Variants in SLC25A21 observed in about 807,000 individuals in gnomAD.
The protein encoded by SLC25A21 is solute carrier family 25 member 21, also known as mitochondrial 2-oxodicarboxylate carrier.
SLC25A21 carries 47 observed loss-of-function variants against 43.8 expected under a neutral mutation model. That is an observed-to-expected ratio of 1.07 (90% CI 0.85 to 1.37). SLC25A21 has a LOEUF of 1.37. Among genes scored for constraint, SLC25A21 ranks in the 40% most tolerant of loss-of-function variants. The pLI is 0.00. For synonymous variants in SLC25A21, 131 were observed against 121.3 expected (o/e 1.08, Z -0.52); for missense variants, 352 against 350.2 (o/e 1.00, Z -0.04).
chr14:36,969,418 AT>A (rs1325101618), intron 1 of SLC25A21, among the ~76,000 whole-genome samples: 1 of 152,192 alleles, frequency 6.6e-6, no homozygotes, highest in Non-Finnish European at 1.5e-5. Context: ...GCCTGAAATC[AT>A]ACTCTGACTT....
At chr14:36,994,710 C>G (rs1294425766) in intron 1 of SLC25A21, among the ~76,000 whole-genome samples, 2 of 152,094 alleles carry the variant, frequency 1.3e-5, no homozygotes, top group Admixed American at 1.3e-4. Context: ...AAGCAGCACC[C>G]AGATCTAGTG....
chr14:36,845,257 T>C (rs1182863893), intron 2 of SLC25A21, among the ~76,000 whole-genome samples: 1 of 152,176 alleles, frequency 6.6e-6, no homozygotes, highest in African/African-American at 2.4e-5. Context: ...GATTTTTAAA[T>C]ATTAATTTTA....
At position 37,172,401 on chromosome 14, in the gene SLC25A21, C is replaced by T; in HGVS notation, c.-51G>A. On this transcript the variant is annotated 5_prime_UTR_variant, in exon 1 of 10. Transcript: ENST00000331299. ...GTGGGCTGAGATGCGTCAACGAGCT[C>T]GCAGCCTGCACAGCCTACTGATCCA... is the stretch of plus-strand genomic sequence containing the variant. 1 of 1,539,498 alleles carries T rather than the reference C, an allele frequency of 6.5e-7. No individual in the cohort carries two copies. Among genetic ancestry groups the T allele is most frequent in the Non-Finnish European group, 8.8e-7 (1 of 1,132,928 alleles).
At chr14:36,894,322 A>G (rs1891174638) in intron 1 of SLC25A21, among the ~76,000 whole-genome samples, 1 of 152,184 alleles carries the variant, frequency 6.6e-6, no homozygotes, top group Non-Finnish European at 1.5e-5. Context: ...GAGTTCACTC[A>G]TGATTTGGCT....
At chr14:37,085,434 T>A (rs1023072492) in intron 1 of SLC25A21, among the ~76,000 whole-genome samples, 3 of 152,216 alleles carry the variant, frequency 2.0e-5, no homozygotes, top group Admixed American at 6.5e-5. Flanking sequence ...CTATATATAT[T>A]GGTTCAATTT....
chr14:36,994,179 GT>G (rs1407750445), intron 1 of SLC25A21, among the ~76,000 whole-genome samples: 1 of 152,162 alleles, frequency 6.6e-6, no homozygotes, highest in Non-Finnish European at 1.5e-5. Flanking sequence ...TCGGGGAGAT[GT>G]CTTTCCCCAA....
chr14:37,121,396 C>A (rs931722247), intron 1 of SLC25A21, among the ~76,000 whole-genome samples: 3 of 152,126 alleles, frequency 2.0e-5, no homozygotes, highest in Non-Finnish European at 2.9e-5. Flanking sequence ...CATGTCAGTG[C>A]GGATAGGGGA....
intron 1 of SLC25A21, among the ~76,000 whole-genome samples, chr14:36,923,416 T>C: frequency 6.6e-6 from 1 of 152,250 alleles, no homozygotes; most frequent in East Asian, 1.9e-4. Context: ...ACCTGTACAC[T>C]ATAAGAAATA....
At position 36,680,370 on chromosome 14, in the gene SLC25A21, C is replaced by CTAT; in HGVS notation, c.*285_*287dup. Reference sequence around the variant, plus strand: ...AAGAGGAACACAGGAGACAAAGTTTCTATTTATTTTATGAAATAAATATAT... The same window carrying CTAT: ...AAGAGGAACACAGGAGACAAAGTTTCTATTATTTATTTTATGAAATAAATATAT... On this transcript the variant is annotated 3_prime_UTR_variant, in exon 10 of 10. Coordinates refer to ENST00000331299, the MANE Select transcript of SLC25A21 (RefSeq NM_030631.4). The CTAT allele has an allele frequency of 1.9e-6, 2 of 1,042,508 alleles. No individual in the cohort carries two copies. Among genetic ancestry groups the CTAT allele is most frequent in the Non-Finnish European group, 2.3e-6 (2 of 865,470 alleles). The allele number at this position is 1,042,508 out of a possible 1,614,324, so 64.6% of individuals were successfully genotyped here.
Position 36,680,488 on chromosome 14 carries a change from T to C in SLC25A21, c.*170A>G. ...ACAGTTTTATTTATACAGCCAAAAC[T>C]ATAATCTCAAGTTGCCTATAGACAT... On this transcript the variant is annotated 3_prime_UTR_variant, in exon 10 of 10. Coordinates refer to ENST00000331299, the MANE Select transcript of SLC25A21 (RefSeq NM_030631.4). 2.4e-6 allele frequency: 3 copies of C among 1,248,244 alleles called. No individual in the cohort carries two copies. The highest frequency in any genetic ancestry group is 3.0e-6 in the Non-Finnish European group (3 of 994,246). 77.3% of individuals were successfully genotyped at this position (1,248,244 alleles called of 1,614,324 possible).
chr14:36,928,435 A>T (rs542149168), intron 1 of SLC25A21, among the ~76,000 whole-genome samples: 1 of 151,086 alleles, frequency 6.6e-6, no homozygotes, highest in Non-Finnish European at 1.5e-5. Context: ...AAGTAGAGTG[A>T]TTTTTTTTTT....
At position 37,032,483 on chromosome 14, in the gene SLC25A21, C is replaced by T. The variant is rs112565504; in HGVS notation, c.70+139798G>A. 4.0e-3 allele frequency among the ~76,000 whole-genome samples: 605 copies of T among 152,106 alleles called. 4 individuals are homozygous for T. The highest frequency in any genetic ancestry group is 7.5e-3 in the Non-Finnish European group (513 of 67,992). The stretch of plus-strand genomic sequence containing the variant: ...CCCAGGAGGTGGAGCTTGCAATGAG[C>T]GGAGATTGTGCCACTGCACTCCAGC... On this transcript the variant is annotated intron_variant, in intron 1 of 9. Transcript: ENST00000331299.
chr14:37,130,297 T>C (rs2138904753), intron 1 of SLC25A21, among the ~76,000 whole-genome samples: 2 of 152,230 alleles, frequency 1.3e-5, no homozygotes, highest in South Asian at 4.1e-4. Context: ...AATTTTAACT[T>C]TTGAAAGACT....
chr14:37,044,259 T>C (rs1961540551), intron 1 of SLC25A21, among the ~76,000 whole-genome samples: 1 of 152,224 alleles, frequency 6.6e-6, no homozygotes, highest in African/African-American at 2.4e-5. Flanking sequence ...TATTTTTTAA[T>C]GCTCAATGTG....
At chr14:36,935,530 C>T (rs1892400229) in intron 1 of SLC25A21, among the ~76,000 whole-genome samples, 1 of 152,178 alleles carries the variant, frequency 6.6e-6, no homozygotes, top group African/African-American at 2.4e-5. Context: ...AATGTCTATA[C>T]TTATCATGAC....
At chr14:36,738,198 G>C (rs957355883) in intron 3 of SLC25A21, among the ~76,000 whole-genome samples, 10 of 152,176 alleles carry the variant, frequency 6.6e-5, no homozygotes, top group Non-Finnish European at 1.0e-4. Flanking sequence ...TGTGGTTAAG[G>C]GCTCAAGCTG....
At chr14:36,962,204 CTTTAAAAAATT>C (rs1180730249) in intron 1 of SLC25A21, among the ~76,000 whole-genome samples, 1 of 152,094 alleles carries the variant, frequency 6.6e-6, no homozygotes, top group African/African-American at 2.4e-5. Context: ...TTTTAAATAT[CTTTAAAAAATT>C]AGAGTATTTG....
At chr14:36,936,347 C>T (rs1054407976) in intron 1 of SLC25A21, among the ~76,000 whole-genome samples, 1 of 151,972 alleles carries the variant, frequency 6.6e-6, no homozygotes. Context: ...CCTCCCACCA[C>T]CCCTCTCCAT....
chr14:36,964,828 C>G (rs1959576240), intron 1 of SLC25A21, among the ~76,000 whole-genome samples: 1 of 152,178 alleles, frequency 6.6e-6, no homozygotes, highest in African/African-American at 2.4e-5. Flanking sequence ...TTTATTATAT[C>G]AGAATTACAA....
Sources: allele counts gnomAD v4.1 joint callset (sites outside exome capture counted in the v4.1 genomes callset), GRCh38; gene constraint gnomAD v4.1.1; transcripts MANE v1.5; gene names NCBI Gene and HGNC (gene_info 2026-07-23, HGNC 2026-07-21).